Variants in MFHAS1 observed in about 807,000 individuals in gnomAD.
The protein encoded by MFHAS1 is multifunctional ROCO family signaling regulator 1.
Under a neutral mutation model 70.4 loss-of-function variants are expected in MFHAS1, and 50 were observed. That is an observed-to-expected ratio of 0.71 (90% CI 0.57 to 0.90). The LOEUF (loss-of-function observed/expected upper bound fraction) is 0.90. Ranked by LOEUF, MFHAS1 falls within the 40% of genes least tolerant of loss-of-function variation. The pLI is 0.00. For missense variants in MFHAS1, 1,795 were observed against 1,347.6 expected, an observed-to-expected ratio of 1.33 and a Z score of -5.20; for synonymous variants, 952 against 620.0, an observed-to-expected ratio of 1.54 and a Z score of -7.96.
At chr8:8,831,528 A>G (rs1033706783) in intron 1 of MFHAS1, among the ~76,000 whole-genome samples, 7 of 152,188 alleles carry the variant, frequency 4.6e-5, no homozygotes, top group Non-Finnish European at 8.8e-5. Context: ...ACGTACCACA[A>G]AGCTACAAGA....
At chr8:8,884,078 AC>A (rs1369438218) in intron 1 of MFHAS1, among the ~76,000 whole-genome samples, 2 of 139,198 alleles carry the variant, frequency 1.4e-5, no homozygotes, top group African/African-American at 6.2e-5. Flanking sequence ...ACACACACAC[AC>A]ACAAAAAGAA....
chr8:8,790,120 A>T (rs10113326), intron 2 of MFHAS1, among the ~76,000 whole-genome samples: 43,961 of 152,118 alleles, frequency 0.29, 6,956 homozygotes, highest in African/African-American at 0.39. Context: ...GCAATATCAT[A>T]GTAAATTAAG....
chr8:8,891,473 T>C lies in MFHAS1; in HGVS notation c.1586A>G (p.His529Arg). ...GGTGCCCACGATGCACACCACCGCG[T>C]GGGGCACTCTCGCCCCGACCCGATG... ...FLHRVGARVP[H>R]AVVCIVGTHA... The change falls in exon 1 of 3, where the codon CAC becomes CGC. Residue 529 changes from histidine (H) to arginine (R), a missense_variant. Transcript: ENST00000276282. This position sits in a 1 kb window ranked among gnomAD's most constrained non-coding sequence, Gnocchi z 5.4. 6.2e-7 allele frequency: 1 copy of C among 1,612,958 alleles called. No individual in the cohort carries two copies. The highest frequency in any genetic ancestry group is 1.1e-5 in the South Asian group (1 of 91,078).
chr8:8,847,794 A>C (rs1175409484), intron 1 of MFHAS1, among the ~76,000 whole-genome samples: 2 of 152,242 alleles, frequency 1.3e-5, no homozygotes, highest in Non-Finnish European at 2.9e-5. Flanking sequence ...CGCTTCAGAC[A>C]GCAGGTGTTT....
rs752654111 is a variant in MFHAS1 at position 8,891,685 on chromosome 8, G to T, written c.1374C>A (p.Ile458=). 1.9e-6 allele frequency: 3 copies of T among 1,613,440 alleles called. No homozygotes were observed. The highest frequency in any genetic ancestry group is 2.7e-5 in the African/African-American group (2 of 74,930). The change falls in exon 1 of 3, where the codon ATC becomes ATA. Residue 458 remains isoleucine (I), a synonymous_variant. Transcript: ENST00000276282. The surrounding 1 kb of genome is among the most constrained non-coding windows in gnomAD (Gnocchi z 5.4). ...CATCGGCCGTCCAGCTGGTCACCTCGATGCCCTTGCTCACAGGGGGAGGTG... is the reference window on the plus strand; with the variant it reads ...CATCGGCCGTCCAGCTGGTCACCTCTATGCCCTTGCTCACAGGGGGAGGTG... ...PPSPPPVSKG[I]EVTSWTADAS... is the part of the protein sequence containing the mutation.
intron 1 of MFHAS1, among the ~76,000 whole-genome samples, chr8:8,880,681 TTTG>T (rs540075526): frequency 0.045 from 6,065 of 135,320 alleles, 383 homozygotes; most frequent in African/African-American, 0.16. Context: ...CCCTTCCTTT[TTTG>T]TTTTTTTTTT....
At chr8:8,804,087 G>C (rs1368394457) in intron 1 of MFHAS1, among the ~76,000 whole-genome samples, 2 of 152,130 alleles carry the variant, frequency 1.3e-5, no homozygotes, top group Non-Finnish European at 2.9e-5. Flanking sequence ...GTACCCATGG[G>C]GGTCCTGGAA....
At chr8:8,849,578 G>A (rs141004217) in intron 1 of MFHAS1, among the ~76,000 whole-genome samples, 6 of 152,100 alleles carry the variant, frequency 3.9e-5, no homozygotes, top group African/African-American at 1.2e-4. Flanking sequence ...TCACAGCTGC[G>A]GTCCTGTTCA....
In MFHAS1 at chr8:8,888,270, G is replaced by A. The variant is rs191304776; in HGVS notation, c.2998+1791C>T. On this transcript the variant is annotated intron_variant, in intron 1 of 2. Coordinates refer to ENST00000276282, the MANE Select transcript of MFHAS1 (RefSeq NM_004225.3). ...CCTAGATCCAGGGCAACGGAAAGAT[G>A]TCACCTTCGGAAATATTGGTATTCA... 1.2e-3 allele frequency among the ~76,000 whole-genome samples: 185 copies of A among 152,300 alleles called. 3 individuals are homozygous for A. The highest frequency in any genetic ancestry group is 0.012 in the Admixed American group (182 of 15,296).
Position 8,890,199 on chromosome 8 carries a change from T to C in MFHAS1, c.2860A>G (p.Thr954Ala). The change falls in exon 1 of 3, where the codon ACC becomes GCC. Residue 954 changes from threonine (T) to alanine (A), a missense_variant. Thr to Ala is a moderately conservative substitution (Grantham distance 58). Transcript: ENST00000276282. ...AAGGGGGTTATGGCTTGCCATGCGG[T>C]CCATATATTTGGTAATGATGCATGG... Reference protein sequence around the residue: ...ASHASLPNIWTAWQAITPLVE... With the variant: ...ASHASLPNIWAAWQAITPLVE... 1 of 1,614,126 alleles carries C rather than the reference T, an allele frequency of 6.2e-7. No individual in the cohort carries two copies. The highest frequency in any genetic ancestry group is 1.7e-5 in the Admixed American group (1 of 60,018).
rs376047436 is a variant in MFHAS1, at chr8:8,807,656, T to A, written c.2999-10165A>T. 4.9e-4 allele frequency among the ~76,000 whole-genome samples: 75 copies of A among 152,316 alleles called. 1 individual carries two copies. The East Asian group carries it at 0.011, about 23-fold the overall frequency. ...AAAGAAGGCATTCGCGTGGATGGCA[T>A]GCACACTTAAAAACCTCACCATCCA... On this transcript the variant is annotated intron_variant, in intron 1 of 2. Coordinates refer to ENST00000276282, the MANE Select transcript of MFHAS1 (RefSeq NM_004225.3).
Position 8,890,433 on chromosome 8 carries a change from CA to C in MFHAS1, c.2625del (p.Phe875LeufsTer53), listed in dbSNP as rs1585076654. ...INGTNLAGQS[F>X]VAEQLQIEYS... is the part of the protein sequence containing the mutation. ...TATTCAATCTGCAACTGCTCAGCCA[CA>C]AAAGACTGCCCAGCTAGGTTGGTCC... On this transcript the variant is annotated frameshift_variant, in exon 1 of 3. Coordinates refer to ENST00000276282, the MANE Select transcript of MFHAS1 (RefSeq NM_004225.3). LOFTEE classifies it high-confidence loss of function. The C allele has an allele frequency of 1.2e-6, 2 of 1,613,972 alleles. No individual in the cohort carries two copies. The highest frequency in any genetic ancestry group is 1.7e-6 in the Non-Finnish European group (2 of 1,180,040).
intron 2 of MFHAS1, among the ~76,000 whole-genome samples, chr8:8,789,096 C>CA (rs1563173918): frequency 6.6e-6 from 1 of 151,674 alleles, no homozygotes. Flanking sequence ...AGCTGAGACT[C>CA]AGTCACAGGA....
At chr8:8,853,217 A>C (rs1233521871) in intron 1 of MFHAS1, among the ~76,000 whole-genome samples, 1 of 151,030 alleles carries the variant, frequency 6.6e-6, no homozygotes, top group Non-Finnish European at 1.5e-5. Context: ...ATACCCCCCA[A>C]AAAAAATGGA....
Position 8,784,514 on chromosome 8 carries a change from G to T in MFHAS1, c.*1508C>A, listed in dbSNP as rs2117234609. ...GGAGTCAGTGAAATTAATGCCTGGG[G>T]CACAAAATATTCTACAAAAATCGGT... On this transcript the variant is annotated 3_prime_UTR_variant, in exon 3 of 3. Transcript: ENST00000276282. 6.6e-6 allele frequency: 1 copy of T among 152,294 alleles called. No individual in the cohort carries two copies. The highest frequency in any genetic ancestry group is 2.4e-5 in the African/African-American group (1 of 41,570). 9.4% of individuals were successfully genotyped at this position (152,294 alleles called of 1,614,324 possible).
At chr8:8,854,084 A>G (rs969799270) in intron 1 of MFHAS1, among the ~76,000 whole-genome samples, 3 of 152,186 alleles carry the variant, frequency 2.0e-5, no homozygotes, top group African/African-American at 7.2e-5. Context: ...GGCATTGTAT[A>G]AGGTTGCCCA....
intron 1 of MFHAS1, among the ~76,000 whole-genome samples, chr8:8,842,302 C>G (rs1243472782): frequency 2.0e-5 from 3 of 152,142 alleles, no homozygotes; most frequent in Admixed American, 1.3e-4. Flanking sequence ...TCTCCTGCCT[C>G]AGCCTCCTGA....
At chr8:8,885,475 C>A (rs748528977) in intron 1 of MFHAS1, among the ~76,000 whole-genome samples, 7 of 152,132 alleles carry the variant, frequency 4.6e-5, no homozygotes, top group Non-Finnish European at 8.8e-5. Context: ...GTGTCCTAAC[C>A]ACCACATCTT....
At position 8,891,938 on chromosome 8, in the gene MFHAS1, T is replaced by C. The variant is rs754944113; in HGVS notation, c.1121A>G (p.Asp374Gly). Reference protein sequence around the residue: ...LSRVGLWKIKDNPLIQPPYEV... With the variant: ...LSRVGLWKIKGNPLIQPPYEV... ...GTAGGGGGGCTGGATCAGTGGGTTG[T>C]CTTTGATCTTCCACAAACCCACCCG... The change falls in exon 1 of 3, where the codon GAC becomes GGC. Residue 374 changes from aspartate to glycine, a missense_variant. By Grantham distance (94) the Asp-to-Gly change is moderately conservative. Coordinates refer to ENST00000276282, the MANE Select transcript of MFHAS1 (RefSeq NM_004225.3). This position sits in a 1 kb window ranked among gnomAD's most constrained non-coding sequence, Gnocchi z 5.4. 5.6e-6 allele frequency: 9 copies of C among 1,611,444 alleles called. 1 individual carries two copies. In the Middle Eastern group the frequency reaches 5.0e-4, roughly 89 times the overall value.
Sources: gnomAD v4.1 joint callset for allele counts (sites outside exome capture counted in the v4.1 genomes callset) on GRCh38, gnomAD v4.1.1 for gene constraint, Gnocchi (gnomAD v3.1) non-coding constraint, MANE v1.5 for transcripts, NCBI Gene and HGNC (gene_info 2026-07-23, HGNC 2026-07-21) for gene names.